SPMIP11: variants seen among roughly 807,000 people sequenced by gnomAD.
SPMIP11 encodes the protein sperm microtubule inner protein 11.
chr12:48,748,757 T>C, the SPMIP11 span, among the ~76,000 whole-genome samples: 1 of 152,164 alleles, frequency 6.6e-6, no homozygotes, highest in African/African-American at 2.4e-5. Flanking sequence ...ACAGAAGCAA[T>C]TGGTAGATAA....
the SPMIP11 span, among the ~76,000 whole-genome samples, chr12:48,744,351 A>C: frequency 2.6e-5 from 4 of 151,782 alleles, no homozygotes; most frequent in African/African-American, 9.7e-5. Flanking sequence ...GATTGCAGTG[A>C]GCTGAGATCA....
chr12:48,759,342 T>C, the SPMIP11 span: 1 of 702,480 alleles, frequency 1.4e-6, no homozygotes, highest in African/African-American at 1.7e-5. Context: ...GTAAGTACCT[T>C]GGGGTGGGCA....
chr12:48,741,795 A>G, the SPMIP11 span, among the ~76,000 whole-genome samples: 1 of 151,940 alleles, frequency 6.6e-6, no homozygotes, highest in Non-Finnish European at 1.5e-5. Flanking sequence ...GCACACCACC[A>G]CACCCAGCCA....
the SPMIP11 span, among the ~76,000 whole-genome samples, chr12:48,748,491 G>A: frequency 6.7e-6 from 1 of 149,986 alleles, no homozygotes; most frequent in Non-Finnish European, 1.5e-5. Flanking sequence ...TTATACTCAC[G>A]GTCTAGAAAA....
chr12:48,753,389 G>C, the SPMIP11 span, among the ~76,000 whole-genome samples: 2 of 152,128 alleles, frequency 1.3e-5, no homozygotes, highest in Admixed American at 1.3e-4. Flanking sequence ...ATTCACTAAT[G>C]AGTCCTCAGA....
chr12:48,741,086 T>G, the SPMIP11 span, among the ~76,000 whole-genome samples: 6 of 151,074 alleles, frequency 4.0e-5, no homozygotes, highest in Admixed American at 4.0e-4. Context: ...TTTTTTTTTT[T>G]TTTTGAGATG....
the SPMIP11 span, among the ~76,000 whole-genome samples, chr12:48,738,059 A>G: frequency 6.6e-6 from 1 of 151,592 alleles, no homozygotes; most frequent in East Asian, 2.0e-4. Context: ...TCCTAAGCTC[A>G]AGCAATCTGC....
At chr12:48,737,038 C>T in the SPMIP11 span, among the ~76,000 whole-genome samples, 4 of 151,938 alleles carry the variant, frequency 2.6e-5, no homozygotes, top group African/African-American at 9.7e-5. Flanking sequence ...CAACCTCTGC[C>T]TCCTGGGCTC....
chr12:48,732,684 C>T, the SPMIP11 span, among the ~76,000 whole-genome samples: 1 of 151,214 alleles, frequency 6.6e-6, no homozygotes. Context: ...GCAGGAGAAT[C>T]GCTTGAACCC....
At chr12:48,741,543 T>G in the SPMIP11 span, among the ~76,000 whole-genome samples, 3 of 152,220 alleles carry the variant, frequency 2.0e-5, no homozygotes, top group Admixed American at 2.0e-4. Context: ...ATGTGAACTT[T>G]GACCACTAAA....
the SPMIP11 span, among the ~76,000 whole-genome samples, chr12:48,758,328 A>G: frequency 1.3e-5 from 2 of 152,230 alleles, no homozygotes; most frequent in Non-Finnish European, 2.9e-5. Flanking sequence ...ACTACATTCA[A>G]TGCTGTGGTG....
chr12:48,736,315 G>C, the SPMIP11 span: 1 of 226,204 alleles, frequency 4.4e-6, no homozygotes. Flanking sequence ...TGGAGGCTGA[G>C]GTGGGAGGAT....
the SPMIP11 span, among the ~76,000 whole-genome samples, chr12:48,735,814 G>A: frequency 6.6e-6 from 1 of 151,956 alleles, no homozygotes; most frequent in African/African-American, 2.4e-5. Flanking sequence ...AACCCGGGAG[G>A]TGGAGGTTGT....
chr12:48,768,338 A>T, the SPMIP11 span: 1 of 548,788 alleles, frequency 1.8e-6, no homozygotes, highest in Non-Finnish European at 3.3e-6. Context: ...CAAAGGCTGG[A>T]AGATTGGAGA....
At chr12:48,734,826 A>T in the SPMIP11 span, among the ~76,000 whole-genome samples, 3 of 151,826 alleles carry the variant, frequency 2.0e-5, no homozygotes, top group African/African-American at 7.3e-5. Flanking sequence ...ACATGGTGAA[A>T]CCCTGTCTCT....
the SPMIP11 span, among the ~76,000 whole-genome samples, chr12:48,747,363 G>A: frequency 6.6e-6 from 1 of 152,136 alleles, no homozygotes; most frequent in Non-Finnish European, 1.5e-5. Flanking sequence ...AGCTTGTCAT[G>A]TATAGAGCTA....
the SPMIP11 span, among the ~76,000 whole-genome samples, chr12:48,760,290 C>A: frequency 6.6e-6 from 1 of 152,060 alleles, no homozygotes; most frequent in African/African-American, 2.4e-5. Flanking sequence ...CTTCTTGCCT[C>A]AGTCTCCTGA....
chr12:48,748,885 G>A, the SPMIP11 span, among the ~76,000 whole-genome samples: 1 of 152,004 alleles, frequency 6.6e-6, no homozygotes, highest in Non-Finnish European at 1.5e-5. Flanking sequence ...CTCCATTTTT[G>A]ACCAGATCCC....
the SPMIP11 span, chr12:48,770,781 A>C: frequency 6.2e-7 from 1 of 1,614,006 alleles, no homozygotes; most frequent in Non-Finnish European, 8.5e-7. Flanking sequence ...TTCATCTGGA[A>C]ATTGTTGAAG....
Sources: allele counts gnomAD v4.1 joint callset (sites outside exome capture counted in the v4.1 genomes callset), GRCh38; gene constraint gnomAD v4.1.1; transcripts MANE v1.5; gene names NCBI Gene and HGNC (gene_info 2026-07-23, HGNC 2026-07-21).